VWDE: variants seen among roughly 807,000 people sequenced by gnomAD.
VWDE encodes the protein von Willebrand factor D and EGF domains.
VWDE carries 207 observed loss-of-function variants against 178.4 expected under a neutral mutation model. The ratio of observed to expected loss-of-function variants is 1.16; its 90% CI spans 1.04 to 1.30. The LOEUF is 1.30. Among genes scored for constraint, VWDE ranks in the 50% most tolerant of loss-of-function variants. The pLI, the probability that VWDE is intolerant of heterozygous loss-of-function variation, is 0.00. For synonymous variants in VWDE, 738 were observed against 651.4 expected, an observed-to-expected ratio of 1.13 and a Z score of -2.02; for missense variants, 2,287 against 1,901.3, an observed-to-expected ratio of 1.20 and a Z score of -3.77.
chr7:12,367,467 C>T lies in VWDE; in HGVS notation c.2788G>A (p.Gly930Arg), dbSNP rs1782925635. 2 of 1,529,482 alleles carry T rather than the reference C, an allele frequency of 1.3e-6. No homozygotes were observed. Among genetic ancestry groups the T allele is most frequent in the East Asian group, 5.0e-5 (2 of 39,756 alleles). The allele number at this position is 1,529,482 out of a possible 1,614,324, so 94.7% of individuals were successfully genotyped here. Reference sequence around the variant, plus strand: ...TGAACATCACAGAATCCAGCATTCCCAAGCTCTGTAATTTCAGGAGCTTTG... The same window carrying T: ...TGAACATCACAGAATCCAGCATTCCTAAGCTCTGTAATTTCAGGAGCTTTG... Reference protein sequence around the residue: ...YDKAPEITELGNAGFCDVQKY... With the variant: ...YDKAPEITELRNAGFCDVQKY... The change falls in exon 13 of 29, where the codon GGG becomes AGG. Residue 930 changes from glycine (G) to arginine (R), a missense_variant. By Grantham distance (125) the Gly-to-Arg change is moderately radical. Coordinates refer to ENST00000275358, the MANE Select transcript of VWDE (RefSeq NM_001135924.3).
intron 1 of VWDE, among the ~76,000 whole-genome samples, chr7:12,401,287 T>G (rs921160904): frequency 6.6e-6 from 1 of 152,128 alleles, no homozygotes; most frequent in Non-Finnish European, 1.5e-5. Flanking sequence ...CATCTCCATA[T>G]AGAAAATTCT....
intron 20 of VWDE, 21 bp downstream of exon 20, chr7:12,344,353 C>G: frequency 1.3e-6 from 2 of 1,549,176 alleles, no homozygotes; most frequent in Non-Finnish European, 1.7e-6. Context: ...ATCATGCAAA[C>G]TAATGAATGA....
chr7:12,339,814 G>A (rs1359682939), intron 24 of VWDE, among the ~76,000 whole-genome samples: 1 of 152,054 alleles, frequency 6.6e-6, no homozygotes, highest in Non-Finnish European at 1.5e-5. Context: ...TTAACTATAT[G>A]AGGGAAAGTG....
In VWDE at chr7:12,361,537, G is replaced by C. The variant is rs1782581188; in HGVS notation, c.2899-16C>G. Reference sequence around the variant, plus strand: ...TGCTATTATACTGAAGACATAGTGAGAAAAAAATTAACCTCTGTTAAATTA... The same window carrying C: ...TGCTATTATACTGAAGACATAGTGACAAAAAAATTAACCTCTGTTAAATTA... On this transcript the variant is annotated splice_polypyrimidine_tract_variant and intron_variant, in intron 13 of 28. Transcript: ENST00000275358. 3 of 1,490,270 alleles carry C rather than the reference G, an allele frequency of 2.0e-6. No homozygotes were observed. The highest frequency in any genetic ancestry group is 2.7e-6 in the Non-Finnish European group (3 of 1,118,612). 92.3% of individuals were successfully genotyped at this position (1,490,270 alleles called of 1,614,324 possible). A position where few individuals can be genotyped will look rare whatever the true frequency, so the allele number is the denominator to read the frequency against.
chr7:12,374,510 G>T (rs1204231638), intron 9 of VWDE, among the ~76,000 whole-genome samples, 179 bp downstream of exon 9: 1 of 152,060 alleles, frequency 6.6e-6, no homozygotes, highest in African/African-American at 2.4e-5. Context: ...CTAAGAATTA[G>T]ATTTTAAGGC....
At chr7:12,394,964 A>T (rs1784556095) in intron 1 of VWDE, among the ~76,000 whole-genome samples, 2 of 152,224 alleles carry the variant, frequency 1.3e-5, no homozygotes, top group Admixed American at 1.3e-4. Flanking sequence ...TCACAAGTGT[A>T]GCCTACGAAA....
chr7:12,385,732 C>A (rs563098950), intron 3 of VWDE, among the ~76,000 whole-genome samples: 2 of 152,266 alleles, frequency 1.3e-5, no homozygotes, highest in African/African-American at 4.8e-5. Flanking sequence ...AAACGGTATT[C>A]CAAGGCAAGC....
Position 12,400,027 on chromosome 7 carries a change from A to T in VWDE, c.58+3632T>A, listed in dbSNP as rs374919607. 1.1e-4 allele frequency among the ~76,000 whole-genome samples: 16 copies of T among 152,296 alleles called. No individual in the cohort carries two copies. The East Asian group carries it at 2.3e-3, about 22-fold the overall frequency. ...TTAGAAAATACTTGAAGAAATGTTA[A>T]AATGAAGACACAATATAGCAAAATG... is the stretch of plus-strand genomic sequence containing the variant. On this transcript the variant is annotated intron_variant, in intron 1 of 28. Transcript: ENST00000275358.
chr7:12,347,017 G>C (rs1237802956), intron 19 of VWDE, among the ~76,000 whole-genome samples: 4 of 152,024 alleles, frequency 2.6e-5, no homozygotes, highest in Non-Finnish European at 5.9e-5. Context: ...AAAGCATATG[G>C]GTTCAGACTA....
chr7:12,332,599 C>T (rs1197354040), intron 28 of VWDE, among the ~76,000 whole-genome samples: 2 of 152,118 alleles, frequency 1.3e-5, no homozygotes, highest in Non-Finnish European at 2.9e-5. Context: ...CAAGGAAGCT[C>T]AAGCTTTTAT....
Position 12,361,489 on chromosome 7 carries a change from G to A in VWDE, c.2931C>T (p.Pro977=). 6.5e-7 allele frequency: 1 copy of A among 1,549,742 alleles called. No individual in the cohort carries two copies. The part of the protein sequence containing the change: ...YNSSEWMPGE[P]IYTQTVFHNS... ...TGTGGAAAACAGTCTGTGTATAGAT[G>A]GGTTCTCCAGGCATCCATTCACTGC... Residue 977 remains proline (P), a synonymous_variant, in exon 14 of 29, where the codon CCC becomes CCT. Coordinates refer to ENST00000275358, the MANE Select transcript of VWDE (RefSeq NM_001135924.3).
At chr7:12,401,082 C>T (rs757914836) in intron 1 of VWDE, among the ~76,000 whole-genome samples, 157 of 152,106 alleles carry the variant, frequency 1.0e-3, no homozygotes, top group Middle Eastern at 6.8e-3. Context: ...AGGATATATA[C>T]GAAAATCCCA....
At chr7:12,368,458 G>A (rs533972066) in intron 12 of VWDE, among the ~76,000 whole-genome samples, 24 of 151,946 alleles carry the variant, frequency 1.6e-4, no homozygotes, top group African/African-American at 4.8e-5. Context: ...AGAATCCTCC[G>A]GTGAGAGGGA....
chr7:12,344,145 A>G (rs757987931), intron 21 of VWDE, 50 bp downstream of exon 21: 1 of 1,475,710 alleles, frequency 6.8e-7, no homozygotes, highest in Admixed American at 2.1e-5. Flanking sequence ...TTTAAAGAAA[A>G]TTATGCTATA....
At chr7:12,343,025 C>A in intron 22 of VWDE, 58 bp downstream of exon 22, 1 of 1,277,696 alleles carries the variant, frequency 7.8e-7, no homozygotes, top group African/African-American at 1.5e-5. Flanking sequence ...GCATTAAGGC[C>A]ATCAACTATT....
At chr7:12,393,958 T>A (rs537457282) in intron 1 of VWDE, among the ~76,000 whole-genome samples, 180 bp from the exon 2 acceptor site, 6 of 152,218 alleles carry the variant, frequency 3.9e-5, no homozygotes, top group African/African-American at 1.4e-4. Flanking sequence ...CTAACTTGCA[T>A]GTTTCATAAA....
In VWDE at chr7:12,333,518, C is replaced by G; in HGVS notation, c.4705G>C (p.Val1569Leu). 6.4e-7 allele frequency: 1 copy of G among 1,551,254 alleles called. No homozygotes were observed. The part of the protein sequence containing the change: ...LYGGRCIFPN[V>L]CSCRTEYSGV... ...GAGTATTCAGTGCGGCAGGAACACA[C>G]ATTGGGAAATATGCATCTGCCTCCA... Residue 1569 changes from valine to leucine, a missense_variant, in exon 28 of 29, where the codon GTG becomes CTG. Physicochemically the swap from Val to Leu is conservative, Grantham distance 32. Coordinates refer to ENST00000275358, the MANE Select transcript of VWDE (RefSeq NM_001135924.3).
chr7:12,374,872 ATAGT>A, intron 8 of VWDE, 110 bp from the exon 9 acceptor site: 1 of 1,149,248 alleles, frequency 8.7e-7, no homozygotes, highest in South Asian at 1.6e-5. Context: ...TGTTTTTATC[ATAGT>A]TATTGAAAAT....
chr7:12,336,116 T>A, intron 27 of VWDE, 25 bp downstream of exon 27: 1 of 1,531,710 alleles, frequency 6.5e-7, no homozygotes, highest in Non-Finnish European at 8.8e-7. Context: ...GAACATATAG[T>A]AGGAAAAACA....
Sources: gnomAD v4.1 joint callset for allele counts (sites outside exome capture counted in the v4.1 genomes callset) on GRCh38, gnomAD v4.1.1 for gene constraint, MANE v1.5 for transcripts, NCBI Gene and HGNC (gene_info 2026-07-23, HGNC 2026-07-21) for gene names.